Variants in TM4SF18 observed in about 807,000 individuals in gnomAD.
TM4SF18 encodes transmembrane 4 L6 family member 18.
A neutral mutation model predicts 23.8 loss-of-function variants in TM4SF18; 22 were observed. The ratio of observed to expected loss-of-function variants is 0.92; its 90% CI spans 0.66 to 1.32. TM4SF18 has a LOEUF of 1.32. Ranked by LOEUF, TM4SF18 falls within the 40% of genes most tolerant of loss-of-function variation. The probability of loss-of-function intolerance (pLI) is 0.00; values close to 1 mark genes in which losing one functional copy is unlikely to be tolerated. For synonymous variants in TM4SF18, 87 were observed against 87.9 expected, an observed-to-expected ratio of 0.99 and a Z score of 0.06; for missense variants, 255 against 240.3, an observed-to-expected ratio of 1.06 and a Z score of -0.41.
At chr3:149,323,866 T>A (rs1406591295) in intron 4 of TM4SF18, among the ~76,000 whole-genome samples, 3 of 152,164 alleles carry the variant, frequency 2.0e-5, no homozygotes, top group Admixed American at 6.5e-5. Context: ...TAAATGGATA[T>A]GCAAGTAGGA....
At chr3:149,324,786 C>A in intron 4 of TM4SF18, 94 bp downstream of exon 4, 1 of 1,540,556 alleles carries the variant, frequency 6.5e-7, no homozygotes, top group Middle Eastern at 1.7e-4. Context: ...CACATGGAAC[C>A]CCAAAGTGAT....
At chr3:149,331,693 T>G (rs1477691478) in intron 2 of TM4SF18, among the ~76,000 whole-genome samples, 1 of 152,064 alleles carries the variant, frequency 6.6e-6, no homozygotes, top group Non-Finnish European at 1.5e-5. Flanking sequence ...TACAGAGGAG[T>G]CAAGAATAAT....
At chr3:149,328,278 ATG>A (rs1731000422) in intron 3 of TM4SF18, among the ~76,000 whole-genome samples, 1 of 152,146 alleles carries the variant, frequency 6.6e-6, no homozygotes, top group African/African-American at 2.4e-5. Context: ...GGCACCTTCT[ATG>A]TGTCCTCGCA....
chr3:149,324,217 C>T (rs1489709528), intron 4 of TM4SF18, among the ~76,000 whole-genome samples: 1 of 152,168 alleles, frequency 6.6e-6, no homozygotes, highest in Non-Finnish European at 1.5e-5. Flanking sequence ...CAGTGTGAGG[C>T]ATTCTGAGAT....
Position 149,321,418 on chromosome 3 carries a change from G to A in TM4SF18, c.*60C>T. ...TCAATATTGCCCTCAAGTCTACACAGTTGATATAATATTTAGATAGATGGC... is the reference window on the plus strand; with the variant it reads ...TCAATATTGCCCTCAAGTCTACACAATTGATATAATATTTAGATAGATGGC... On this transcript the variant is annotated 3_prime_UTR_variant, in exon 6 of 6. Coordinates refer to ENST00000296059, the MANE Select transcript of TM4SF18 (RefSeq NM_138786.4). 1.5e-6 allele frequency: 2 copies of A among 1,307,358 alleles called. No homozygotes were observed. The highest frequency in any genetic ancestry group is 2.1e-6 in the Non-Finnish European group (2 of 937,990). The allele number at this position is 1,307,358 out of a possible 1,614,324, so 81.0% of individuals were successfully genotyped here.
chr3:149,333,448 C>T, intron 1 of TM4SF18, 49 bp from the exon 2 acceptor site: 7 of 991,686 alleles, frequency 7.1e-6, no homozygotes, highest in South Asian at 5.9e-5. Flanking sequence ...TATTTTTCTT[C>T]TTCCTACCTG....
intron 2 of TM4SF18, among the ~76,000 whole-genome samples, chr3:149,332,393 C>G (rs1225143847): frequency 6.6e-6 from 1 of 152,088 alleles, no homozygotes; most frequent in East Asian, 1.9e-4. Flanking sequence ...AATGACTTGA[C>G]CAGGAAATTG....
intron 3 of TM4SF18, among the ~76,000 whole-genome samples, chr3:149,326,030 G>A (rs1030211916): frequency 1.3e-5 from 2 of 151,854 alleles, no homozygotes; most frequent in African/African-American, 2.4e-5. Flanking sequence ...TTTATTATGT[G>A]TTTTTGTTAC....
At chr3:149,333,479 T>G (rs951584095) in intron 1 of TM4SF18, 34 bp downstream of exon 1, 1 of 483,658 alleles carries the variant, frequency 2.1e-6, no homozygotes, top group South Asian at 6.1e-5. Flanking sequence ...TCTCTCTCTC[T>G]CTCTTTTTTT....
At chr3:149,324,855 CT>C in intron 4 of TM4SF18, 24 bp downstream of exon 4, 1 of 1,612,850 alleles carries the variant, frequency 6.2e-7, no homozygotes, top group Non-Finnish European at 8.5e-7. Flanking sequence ...TTCCGACCTC[CT>C]TGGTTTGGGG....
At chr3:149,325,151 C>T (rs1181192685) in intron 3 of TM4SF18, 129 bp from the exon 4 acceptor site, 1 of 729,686 alleles carries the variant, frequency 1.4e-6, no homozygotes, top group Non-Finnish European at 2.1e-6. Flanking sequence ...TAAATGCCCA[C>T]ATAGAAATAA....
intron 3 of TM4SF18, among the ~76,000 whole-genome samples, chr3:149,329,760 C>T (rs1731049053): frequency 6.6e-6 from 1 of 152,112 alleles, no homozygotes; most frequent in African/African-American, 2.4e-5. Context: ...TTAGAAAATG[C>T]ACATCACATA....
rs149633063 is a variant in TM4SF18, at chr3:149,331,735, C to T, written c.178-1316G>A. Among the ~76,000 whole-genome samples the T allele has an allele frequency of 2.7e-3, 406 of 152,284 alleles. 3 individuals carry two copies. The highest frequency in any genetic ancestry group is 9.3e-3 in the African/African-American group (386 of 41,566). Reference sequence around the variant, plus strand: ...AAAGTACACATAATTCCACCACCCTCGTGAGTCTTCATGCATTTATTTCTG... The same window carrying T: ...AAAGTACACATAATTCCACCACCCTTGTGAGTCTTCATGCATTTATTTCTG... On this transcript the variant is annotated intron_variant, in intron 2 of 5. Transcript: ENST00000296059.
rs1343813158 is a variant in TM4SF18 at position 149,333,556 on chromosome 3, C to T, written c.-61G>A. ...CCTTCACTTCATATTCATGAGGAGA[C>T]GGGGAATTGGAATATACCCGCAGCC... is the stretch of plus-strand genomic sequence containing the variant. On this transcript the variant is annotated 5_prime_UTR_variant, in exon 1 of 6. Coordinates refer to ENST00000296059, the MANE Select transcript of TM4SF18 (RefSeq NM_138786.4). 3.3e-5 allele frequency: 15 copies of T among 448,520 alleles called. 1 individual carries two copies. The South Asian group carries it at 5.2e-4, about 15-fold the overall frequency. 27.8% of individuals were successfully genotyped at this position (448,520 alleles called of 1,614,324 possible).
rs1390529165 is a variant in TM4SF18, at chr3:149,333,331, C to T, written c.52G>A (p.Ala18Thr). 3 of 1,613,518 alleles carry T rather than the reference C, an allele frequency of 1.9e-6. No homozygotes were observed. Among genetic ancestry groups the T allele is most frequent in the Non-Finnish European group, 2.5e-6 (3 of 1,179,826 alleles). ...GCLSCLLIPLALWSIIVNILL... is the reference protein window; with the variant it reads ...GCLSCLLIPLTLWSIIVNILL... The stretch of plus-strand genomic sequence containing the variant: ...ATGTTCACGATTATACTCCAAAGTG[C>T]AAGCGGAATCAGCAAACAACTTAGG... Residue 18 changes from alanine to threonine, a missense_variant, in exon 2 of 6, where the codon GCA (alanine) becomes ACA (threonine). Physicochemically the swap from Ala to Thr is moderately conservative, Grantham distance 58 (BLOSUM62 0). Transcript: ENST00000296059.
intron 3 of TM4SF18, 110 bp from the exon 4 acceptor site, chr3:149,325,132 A>G: frequency 4.2e-6 from 4 of 952,448 alleles, no homozygotes; most frequent in Non-Finnish European, 3.1e-6. Flanking sequence ...CATGCAGTCT[A>G]TACAATACTA....
intron 3 of TM4SF18, 48 bp from the exon 4 acceptor site, chr3:149,325,070 G>A (rs1730909497): frequency 6.4e-7 from 1 of 1,570,440 alleles, no homozygotes; most frequent in South Asian, 1.2e-5. Flanking sequence ...TGCGACAAGG[G>A]GATATTGTGG....
chr3:149,320,081 T>C lies in TM4SF18; in HGVS notation c.*1397A>G, dbSNP rs1462622506. 6.6e-6 allele frequency: 1 copy of C among 152,306 alleles called. No individual in the cohort carries two copies. Among genetic ancestry groups the C allele is most frequent in the Non-Finnish European group, 1.5e-5 (1 of 68,132 alleles). 9.4% of individuals were successfully genotyped at this position (152,306 alleles called of 1,614,324 possible). A position where few individuals can be genotyped will look rare whatever the true frequency, so the allele number is the denominator to read the frequency against. Reference sequence around the variant, plus strand: ...GCACAGCAGGCATCAAGGAGAAAGATATTCTCTTCCGTATCCCCCCAGCCT... The same window carrying C: ...GCACAGCAGGCATCAAGGAGAAAGACATTCTCTTCCGTATCCCCCCAGCCT... On this transcript the variant is annotated 3_prime_UTR_variant, in exon 6 of 6. Transcript: ENST00000296059.
Position 149,321,463 on chromosome 3 carries a change from A to G in TM4SF18, c.*15T>C, listed in dbSNP as rs1371751599. 2.6e-6 allele frequency: 4 copies of G among 1,563,674 alleles called. No homozygotes were observed. The South Asian group carries it at 3.6e-5, about 14-fold the overall frequency. On this transcript the variant is annotated 3_prime_UTR_variant, in exon 6 of 6. Transcript: ENST00000296059. ...GATGGCCATGTCTTGATAATGGAAAACATTTTGTCCTTATTCAAATGATTC... is the reference window on the plus strand; with the variant it reads ...GATGGCCATGTCTTGATAATGGAAAGCATTTTGTCCTTATTCAAATGATTC...
Sources: allele counts gnomAD v4.1 joint callset (sites outside exome capture counted in the v4.1 genomes callset), GRCh38; gene constraint gnomAD v4.1.1; transcripts MANE v1.5; gene names NCBI Gene and HGNC (gene_info 2026-07-23, HGNC 2026-07-21).